The following ZDHHC3 variants were observed in gnomAD, a reference collection of about 807,000 sequenced individuals.
The protein encoded by ZDHHC3 is palmitoyltransferase ZDHHC3.
A neutral mutation model predicts 30.6 loss-of-function variants in ZDHHC3; 9 were observed. The ratio of observed to expected loss-of-function variants is 0.29; its 90% confidence interval spans 0.18 to 0.51. The LOEUF (loss-of-function observed/expected upper bound fraction) is 0.51. Ranked by LOEUF, ZDHHC3 falls within the 20% of genes least tolerant of loss-of-function variation. ZDHHC3 has a pLI of 0.97. For synonymous variants in ZDHHC3, 136 were observed against 140.2 expected (o/e 0.97, Z 0.21); for missense variants, 246 against 384.2 (o/e 0.64, Z 3.01).
In ZDHHC3 at chr3:44,925,047, A is replaced by G; in HGVS notation, c.*1642T>C. 3 of 985,856 alleles carry G rather than the reference A, an allele frequency of 3.0e-6. No individual in the cohort carries two copies. The highest frequency in any genetic ancestry group is 3.6e-6 in the Non-Finnish European group (3 of 829,958). The allele number at this position is 985,856 out of a possible 1,614,324, so 61.1% of individuals were successfully genotyped here. A position where few individuals can be genotyped will look rare whatever the true frequency, so the allele number is the denominator to read the frequency against. On this transcript the variant is annotated 3_prime_UTR_variant, in exon 7 of 7. Transcript: ENST00000424952. ...AAATGCATTTTAAAACAAAAAAAAT[A>G]AAGTATCCTCATTCAAGAGACAGAG... is the stretch of plus-strand genomic sequence containing the variant.
intron 2 of ZDHHC3, among the ~76,000 whole-genome samples, chr3:44,952,396 T>C (rs1341497356): frequency 6.6e-6 from 1 of 152,208 alleles, no homozygotes; most frequent in Non-Finnish European, 1.5e-5. Context: ...TTCCTGCCTC[T>C]AGTCTCTCCC....
At position 44,926,609 on chromosome 3, in the gene ZDHHC3, T is replaced by G. The variant is rs1701012630; in HGVS notation, c.*80A>C. The G allele has an allele frequency of 4.2e-5, 56 of 1,339,960 alleles. No homozygotes were observed. Among genetic ancestry groups the G allele is most frequent in the Non-Finnish European group, 5.4e-5 (56 of 1,037,792 alleles). The allele number at this position is 1,339,960 out of a possible 1,614,324, so 83.0% of individuals were successfully genotyped here. On this transcript the variant is annotated 3_prime_UTR_variant, in exon 7 of 7. Transcript: ENST00000424952. ...AGAGTAGTTGTTTTGCTTTTTCGAT[T>G]TAAACATTCATGAGAACGGATGGGA...
At chr3:44,946,151 A>G (rs756161468) in intron 2 of ZDHHC3, among the ~76,000 whole-genome samples, 8 of 152,198 alleles carry the variant, frequency 5.3e-5, no homozygotes, top group African/African-American at 1.9e-4. Context: ...TATTGTTATG[A>G]ATAATTGTAA....
At position 44,933,874 on chromosome 3, in the gene ZDHHC3, G is replaced by A; in HGVS notation, c.528+14C>T. The A allele has an allele frequency of 6.2e-7, 1 of 1,613,210 alleles. No homozygotes were observed. ...CTTCATGGGGGGCAGGGCAGAATTTGCAAGCTGACTTACTGTAAACAGGAC... is the reference window on the plus strand; with the variant it reads ...CTTCATGGGGGGCAGGGCAGAATTTACAAGCTGACTTACTGTAAACAGGAC... On this transcript the variant is annotated intron_variant, in intron 4 of 6. Coordinates refer to ENST00000424952, the MANE Select transcript of ZDHHC3 (RefSeq NM_001135179.2).
At chr3:44,952,568 C>T (rs1243513302) in intron 2 of ZDHHC3, among the ~76,000 whole-genome samples, 4 of 152,208 alleles carry the variant, frequency 2.6e-5, no homozygotes, top group Non-Finnish European at 5.9e-5. Flanking sequence ...CTCTTGAGGC[C>T]ACCATATCTC....
At chr3:44,950,912 A>G (rs1196854407) in intron 2 of ZDHHC3, among the ~76,000 whole-genome samples, 3 of 152,178 alleles carry the variant, frequency 2.0e-5, no homozygotes, top group African/African-American at 7.2e-5. Context: ...ACGTTCTTAC[A>G]CACTCCACAG....
intron 2 of ZDHHC3, among the ~76,000 whole-genome samples, chr3:44,946,912 T>C (rs961667948): frequency 2.0e-5 from 3 of 152,230 alleles, no homozygotes; most frequent in Non-Finnish European, 1.5e-5. Context: ...TAGGTAACAC[T>C]GGTGCTTCAG....
intron 1 of ZDHHC3, among the ~76,000 whole-genome samples, chr3:44,973,186 C>T (rs1705547005): frequency 6.6e-6 from 1 of 152,170 alleles, no homozygotes; most frequent in Admixed American, 6.5e-5. Flanking sequence ...AGGACAGTTA[C>T]CAACGCCATA....
chr3:44,925,029 T>G lies in ZDHHC3; in HGVS notation c.*1660A>C. The G allele has an allele frequency of 1.0e-6, 1 of 985,630 alleles. No individual in the cohort carries two copies. The highest frequency in any genetic ancestry group is 1.2e-6 in the Non-Finnish European group (1 of 829,910). The allele number at this position is 985,630 out of a possible 1,614,324, so 61.1% of individuals were successfully genotyped here. ...GTTCAAGAGAGGGACCATAAATGCATTTTAAAACAAAAAAAATAAAGTATC... is the reference window on the plus strand; with the variant it reads ...GTTCAAGAGAGGGACCATAAATGCAGTTTAAAACAAAAAAAATAAAGTATC... On this transcript the variant is annotated 3_prime_UTR_variant, in exon 7 of 7. Transcript: ENST00000424952.
intron 4 of ZDHHC3, 110 bp downstream of exon 4, chr3:44,933,778 G>T: frequency 1.0e-6 from 1 of 982,480 alleles, no homozygotes; most frequent in Non-Finnish European, 1.6e-6. Context: ...AGATCTACAG[G>T]GCCAGGCAGT....
Position 44,926,238 on chromosome 3 carries a change from C to T in ZDHHC3, c.*451G>A. ...TCCATCTTCGGTGAGGTTTTATGTCCCATCGGGGAGCCCGCCACTGCCTCC... is the reference window on the plus strand; with the variant it reads ...TCCATCTTCGGTGAGGTTTTATGTCTCATCGGGGAGCCCGCCACTGCCTCC... On this transcript the variant is annotated 3_prime_UTR_variant, in exon 7 of 7. Transcript: ENST00000424952. The T allele has an allele frequency of 1.0e-6, 1 of 986,622 alleles. No homozygotes were observed. The highest frequency in any genetic ancestry group is 1.2e-6 in the Non-Finnish European group (1 of 830,764). 61.1% of individuals were successfully genotyped at this position (986,622 alleles called of 1,614,324 possible). A position where few individuals can be genotyped will look rare whatever the true frequency, so the allele number is the denominator to read the frequency against.
chr3:44,950,607 T>A (rs1005331866), intron 2 of ZDHHC3, among the ~76,000 whole-genome samples: 1 of 152,224 alleles, frequency 6.6e-6, no homozygotes, highest in Non-Finnish European at 1.5e-5. Flanking sequence ...TCCAACCACC[T>A]GAGCCCACCT....
At chr3:44,936,249 G>GA (rs1302652883) in intron 3 of ZDHHC3, among the ~76,000 whole-genome samples, 3 of 152,010 alleles carry the variant, frequency 2.0e-5, no homozygotes, top group East Asian at 1.9e-4. Flanking sequence ...AGAAGCATAT[G>GA]AAAAAAAAGC....
chr3:44,922,200 A>T lies in ZDHHC3; in HGVS notation c.*4489T>A. ...TATTTAAAGAATACAAGAAAAAGCC[A>T]CATGGGTGTTGAAACCCACACGTAG... is the stretch of plus-strand genomic sequence containing the variant. On this transcript the variant is annotated 3_prime_UTR_variant, in exon 7 of 7. Coordinates refer to ENST00000424952, the MANE Select transcript of ZDHHC3 (RefSeq NM_001135179.2). 3.0e-6 allele frequency: 3 copies of T among 985,496 alleles called. No homozygotes were observed. The highest frequency in any genetic ancestry group is 3.6e-6 in the Non-Finnish European group (3 of 829,946). 61.0% of individuals were successfully genotyped at this position (985,496 alleles called of 1,614,324 possible).
chr3:44,968,084 GGCTCT>G (rs1705107505), intron 1 of ZDHHC3, among the ~76,000 whole-genome samples: 1 of 152,146 alleles, frequency 6.6e-6, no homozygotes, highest in South Asian at 2.1e-4. Context: ...GATTCAAAAC[GGCTCT>G]GCTTGCCGTC....
intron 2 of ZDHHC3, among the ~76,000 whole-genome samples, chr3:44,957,292 A>G (rs1457186879): frequency 6.6e-6 from 1 of 152,192 alleles, no homozygotes; most frequent in Non-Finnish European, 1.5e-5. Flanking sequence ...AGTGAGCTTC[A>G]CAAGGGCAGG....
chr3:44,933,799 A>G (rs1559666901), intron 4 of ZDHHC3, 89 bp downstream of exon 4: 22 of 1,223,922 alleles, frequency 1.8e-5, no homozygotes, highest in Non-Finnish European at 2.6e-5. Flanking sequence ...ATTCTGAGCA[A>G]AGAACATCGT....
At chr3:44,951,951 C>T (rs541516275) in intron 2 of ZDHHC3, among the ~76,000 whole-genome samples, 46 of 152,210 alleles carry the variant, frequency 3.0e-4, no homozygotes, top group African/African-American at 1.1e-3. Flanking sequence ...GGGTTTCACC[C>T]CAAGACTCCT....
intron 3 of ZDHHC3, among the ~76,000 whole-genome samples, chr3:44,935,279 T>C (rs747411725): frequency 1.3e-5 from 2 of 152,188 alleles, no homozygotes; most frequent in Non-Finnish European, 2.9e-5. Context: ...TAATTACCTT[T>C]CTTTGTGTGT....
Sources: allele counts gnomAD v4.1 joint callset (sites outside exome capture counted in the v4.1 genomes callset), GRCh38; gene constraint gnomAD v4.1.1; transcripts MANE v1.5; gene names NCBI Gene and HGNC (gene_info 2026-07-23, HGNC 2026-07-21).